SHANK2: variants seen among roughly 807,000 people sequenced by gnomAD.
The protein encoded by SHANK2 is SH3 and multiple ankyrin repeat domains 2.
A neutral mutation model predicts 133.7 loss-of-function variants in SHANK2; 43 were observed. The observed-to-expected ratio is 0.32, with a 90% CI of 0.25 to 0.41. The LOEUF is 0.41. SHANK2 is among the 10% of genes least tolerant of loss of function. The pLI, the probability that SHANK2 is intolerant of heterozygous loss-of-function variation, is 1.00. For missense variants in SHANK2, 1,994 were observed against 2,235.8 expected, an observed-to-expected ratio of 0.89 and a Z score of 2.18; for synonymous variants, 1,017 against 952.8, an observed-to-expected ratio of 1.07 and a Z score of -1.24.
chr11:70,480,879 C>A (rs1347954533), intron 25 of SHANK2, among the ~76,000 whole-genome samples: 1 of 152,224 alleles, frequency 6.6e-6, no homozygotes, highest in Non-Finnish European at 1.5e-5. Context: ...TAGGCCTGCA[C>A]CTGAGGAGCT....
Position 70,679,788 on chromosome 11 carries a change from C to T in SHANK2, c.1854-18110G>A, listed in dbSNP as rs925852873. ...CCGCTGCCCGCTGCCACACCCCAGC[C>T]AGGCCCTCTGGCCCATGGAGTGACA... is the stretch of plus-strand genomic sequence containing the variant. On this transcript the variant is annotated intron_variant, in intron 15 of 25. Transcript: ENST00000601538. 2.6e-5 allele frequency among the ~76,000 whole-genome samples: 4 copies of T among 152,244 alleles called. No homozygotes were observed. In the East Asian group the frequency reaches 7.7e-4, roughly 29 times the overall value.
At chr11:70,840,500 T>G (rs989046301) in intron 11 of SHANK2, among the ~76,000 whole-genome samples, 2 of 152,148 alleles carry the variant, frequency 1.3e-5, no homozygotes, top group Non-Finnish European at 2.9e-5. Flanking sequence ...GGAGGAGCCC[T>G]CAGAGGAGCA....
At chr11:70,489,192 G>A in intron 24 of SHANK2, 136 bp downstream of exon 24, 2 of 858,900 alleles carry the variant, frequency 2.3e-6, no homozygotes, top group Non-Finnish European at 4.0e-6. Context: ...CGTTCAAAGT[G>A]TTCTCCATTG....
chr11:70,887,601 G>T (rs1555073786), intron 11 of SHANK2, among the ~76,000 whole-genome samples: 1 of 152,130 alleles, frequency 6.6e-6, no homozygotes, highest in East Asian at 1.9e-4. Context: ...TAAGGGCACT[G>T]ATTTCCTGGC....
At chr11:70,947,176 C>CACACAT (rs1555085643) in intron 10 of SHANK2, among the ~76,000 whole-genome samples, 7 of 139,436 alleles carry the variant, frequency 5.0e-5, no homozygotes, top group African/African-American at 1.7e-4. Context: ...CACACACACA[C>CACACAT]ACACACACAC....
intron 1 of SHANK2, among the ~76,000 whole-genome samples, chr11:71,247,702 G>A (rs1430839762): frequency 2.6e-5 from 4 of 152,174 alleles, no homozygotes; most frequent in Non-Finnish European, 5.9e-5. Context: ...TTCTGCTGCA[G>A]CAGAATTTCT....
At chr11:70,702,217 T>C (rs1945540784) in intron 14 of SHANK2, among the ~76,000 whole-genome samples, 1 of 147,548 alleles carries the variant, frequency 6.8e-6, no homozygotes, top group African/African-American at 2.5e-5. Flanking sequence ...ACTATCATCA[T>C]CATCATTACC....
At position 70,629,820 on chromosome 11, in the gene SHANK2, G is replaced by T. The variant is rs569771278; in HGVS notation, c.2061+30008C>A. Among the ~76,000 whole-genome samples the T allele has an allele frequency of 3.3e-5, 5 of 152,236 alleles. No homozygotes were observed. In the South Asian group the frequency reaches 1.0e-3, roughly 32 times the overall value. On this transcript the variant is annotated intron_variant, in intron 17 of 25. Coordinates refer to ENST00000601538, the MANE Select transcript of SHANK2 (RefSeq NM_012309.5). ...AGTTTCCCCAAGTGTGCAATGAAGG[G>T]CCTGGCCATCCAGACCCCCAGCAGA...
chr11:70,477,390 C>T (rs1555150381), intron 25 of SHANK2: 1 of 152,250 alleles, frequency 6.6e-6, no homozygotes, highest in Non-Finnish European at 1.5e-5. Context: ...AATATGGCAT[C>T]ACTTTCATAG....
At chr11:71,183,038 C>T (rs1396266550) in intron 2 of SHANK2, among the ~76,000 whole-genome samples, 3 of 152,118 alleles carry the variant, frequency 2.0e-5, no homozygotes, top group Non-Finnish European at 4.4e-5. Flanking sequence ...CTTCATGAAA[C>T]TCTGGTGAGC....
At chr11:71,194,303 G>A (rs1384438817) in intron 2 of SHANK2, among the ~76,000 whole-genome samples, 1 of 152,202 alleles carries the variant, frequency 6.6e-6, no homozygotes, top group Non-Finnish European at 1.5e-5. Context: ...TGGAGTTGAT[G>A]TCATGAAGAG....
At chr11:70,835,053 G>A (rs1447655395) in intron 11 of SHANK2, among the ~76,000 whole-genome samples, 1 of 152,118 alleles carries the variant, frequency 6.6e-6, no homozygotes, top group South Asian at 2.1e-4. Context: ...GAGAGGTGAG[G>A]GGTTCCCAAG....
At chr11:70,646,465 A>G (rs1282527978) in intron 17 of SHANK2, among the ~76,000 whole-genome samples, 7 of 152,218 alleles carry the variant, frequency 4.6e-5, no homozygotes, top group Non-Finnish European at 8.8e-5. Flanking sequence ...TCCTCAGCCC[A>G]TGTTTTCCCT....
At chr11:70,801,227 G>A (rs1948037553) in intron 13 of SHANK2, among the ~76,000 whole-genome samples, 1 of 152,202 alleles carries the variant, frequency 6.6e-6, no homozygotes, top group African/African-American at 2.4e-5. Context: ...TTCAGGATGT[G>A]TTATTGTTAT....
At chr11:70,561,721 G>GC (rs1228960047) in intron 17 of SHANK2, among the ~76,000 whole-genome samples, 2 of 1,040 alleles carry the variant, frequency 1.9e-3, no homozygotes, top group Non-Finnish European at 7.6e-3. Context: ...AGAGATGGCA[G>GC]GGGGGGTCTC....
chr11:71,110,651 C>T (rs1284999102), intron 5 of SHANK2, among the ~76,000 whole-genome samples: 3 of 152,262 alleles, frequency 2.0e-5, no homozygotes, highest in South Asian at 2.1e-4. Flanking sequence ...CTGGTGCACT[C>T]GGGAGACCCA....
chr11:70,596,781 G>T (rs2060407342), intron 17 of SHANK2, among the ~76,000 whole-genome samples: 1 of 152,148 alleles, frequency 6.6e-6, no homozygotes, highest in South Asian at 2.1e-4. Flanking sequence ...ACACTCAGGG[G>T]CTGTCTGGAG....
At chr11:70,736,743 C>T (rs1032244848) in intron 14 of SHANK2, among the ~76,000 whole-genome samples, 21 of 152,158 alleles carry the variant, frequency 1.4e-4, no homozygotes, top group African/African-American at 4.3e-4. Context: ...CATTCCATGG[C>T]GGCTCCCCGC....
chr11:70,764,063 A>AATCCATCCATCCATCC (rs782452712), intron 14 of SHANK2, among the ~76,000 whole-genome samples: 97 of 127,076 alleles, frequency 7.6e-4, no homozygotes, highest in Non-Finnish European at 1.0e-3. Context: ...TATACCCACC[A>AATCCATCCATCCATCC]ATCCATCCAT....
Sources: allele counts gnomAD v4.1 joint callset (sites outside exome capture counted in the v4.1 genomes callset), GRCh38; gene constraint gnomAD v4.1.1; transcripts MANE v1.5; gene names NCBI Gene and HGNC (gene_info 2026-07-23, HGNC 2026-07-21).